CCDC97: variants seen among roughly 807,000 people sequenced by gnomAD.
The protein encoded by CCDC97 is coiled-coil domain-containing protein 97.
A neutral mutation model predicts 33.9 loss-of-function variants in CCDC97; 27 were observed. That is an observed-to-expected ratio of 0.80 (90% CI 0.59 to 1.10). CCDC97 has a LOEUF of 1.10. Among genes scored for constraint, CCDC97 ranks in the 50% least tolerant of loss-of-function variants. The pLI, the probability that CCDC97 is intolerant of heterozygous loss-of-function variation, is 0.00. For missense variants in CCDC97, 422 were observed against 476.6 expected (o/e 0.89, Z 1.07); for synonymous variants, 217 against 194.0 (o/e 1.12, Z -0.99).
At chr19:41,317,815 C>A (rs1002246702) in intron 2 of CCDC97, among the ~76,000 whole-genome samples, 1 of 150,424 alleles carries the variant, frequency 6.6e-6, no homozygotes. Context: ...TTTGGGAGGG[C>A]GAGGTGGGGG....
At chr19:41,312,669 G>C (rs1229416501) in intron 1 of CCDC97, among the ~76,000 whole-genome samples, 4 of 152,170 alleles carry the variant, frequency 2.6e-5, no homozygotes, top group Non-Finnish European at 1.5e-5. Flanking sequence ...CTGCAGGGTC[G>C]TGCTTCCCCA....
chr19:41,319,902 G>A (rs769628688), intron 3 of CCDC97, 50 bp downstream of exon 3: 4 of 878,778 alleles, frequency 4.6e-6, no homozygotes, highest in Non-Finnish European at 7.0e-6. Context: ...CCCAGCCCTA[G>A]GCCTGTCTGT....
intron 4 of CCDC97, 88 bp from the exon 5 acceptor site, chr19:41,322,507 C>T: frequency 1.4e-6 from 2 of 1,467,222 alleles, no homozygotes; most frequent in Non-Finnish European, 1.9e-6. Flanking sequence ...AGCACATGGC[C>T]TTTGACATCA....
At chr19:41,310,712 T>TA in intron 1 of CCDC97, 1 of 1,129,340 alleles carries the variant, frequency 8.9e-7, no homozygotes, top group Non-Finnish European at 1.1e-6. Context: ...TCCTTCCCTG[T>TA]ACCAAGCTGA....
rs1278398490 is a variant in CCDC97, at chr19:41,323,758, CT to C, written c.*1044del. 1.9e-5 allele frequency: 3 copies of C among 154,344 alleles called. No individual in the cohort carries two copies. In the Admixed American group the frequency reaches 2.0e-4, roughly 10 times the overall value. The allele number at this position is 154,344 out of a possible 1,614,324, so 9.6% of individuals were successfully genotyped here. A position where few individuals can be genotyped will look rare whatever the true frequency, so the allele number is the denominator to read the frequency against. On this transcript the variant is annotated 3_prime_UTR_variant, in exon 5 of 5. Transcript: ENST00000269967. Reference sequence around the variant, plus strand: ...CCACACACAGCCTGCCCCAGCGTCCCTGCCCCCAGCTGGCCGCAGGGCCCGC... The same window carrying C: ...CCACACACAGCCTGCCCCAGCGTCCCGCCCCCAGCTGGCCGCAGGGCCCGC...
chr19:41,318,437 A>G (rs2037776633), intron 2 of CCDC97, among the ~76,000 whole-genome samples: 1 of 152,182 alleles, frequency 6.6e-6, no homozygotes, highest in African/African-American at 2.4e-5. Context: ...CAGCCTGGGC[A>G]ACAGAGCGAG....
In CCDC97 at chr19:41,318,431, C is replaced by T. The variant is rs558771610; in HGVS notation, c.503-1143C>T. Among the ~76,000 whole-genome samples the T allele has an allele frequency of 3.4e-4, 52 of 152,280 alleles. 2 individuals are homozygous for T. The South Asian group carries it at 9.7e-3, about 29-fold the overall frequency. ...CGAGATCACACCACTACACTCCAGC[C>T]TGGGCAACAGAGCGAGACTCCATCT... On this transcript the variant is annotated intron_variant, in intron 2 of 4. Coordinates refer to ENST00000269967, the MANE Select transcript of CCDC97 (RefSeq NM_052848.3).
chr19:41,320,555 G>T, intron 4 of CCDC97, 85 bp downstream of exon 4: 1 of 1,558,550 alleles, frequency 6.4e-7, no homozygotes, highest in Non-Finnish European at 8.8e-7. Flanking sequence ...CAAGCTGTGG[G>T]GGTCTCCCTT....
At position 41,322,591 on chromosome 19, in the gene CCDC97, G is replaced by T. The variant is rs774895159; in HGVS notation, c.912-4G>T. ...CAGTCCTTGACAGCCTCCTCCTCCT[G>T]CAGCACAGTAGACGACAACCCCGAC... On this transcript the variant is annotated splice_polypyrimidine_tract_variant and splice_region_variant and intron_variant, in intron 4 of 4. Coordinates refer to ENST00000269967, the MANE Select transcript of CCDC97 (RefSeq NM_052848.3). The T allele has an allele frequency of 5.6e-6, 9 of 1,612,664 alleles. No individual in the cohort carries two copies. The highest frequency in any genetic ancestry group is 7.6e-6 in the Non-Finnish European group (9 of 1,179,200).
At chr19:41,319,476 A>G in intron 2 of CCDC97, 98 bp from the exon 3 acceptor site, 1 of 881,014 alleles carries the variant, frequency 1.1e-6, no homozygotes, top group Non-Finnish European at 1.8e-6. Context: ...TGGACTGTGT[A>G]TGCACATCAT....
chr19:41,314,209 C>T (rs1049629438), intron 1 of CCDC97, among the ~76,000 whole-genome samples: 2 of 151,418 alleles, frequency 1.3e-5, no homozygotes, highest in African/African-American at 4.9e-5. Flanking sequence ...TGCAATGGCA[C>T]GATCTTGGCT....
intron 1 of CCDC97, among the ~76,000 whole-genome samples, chr19:41,313,572 A>G (rs1199293810): frequency 6.6e-6 from 1 of 151,768 alleles, no homozygotes; most frequent in Non-Finnish European, 1.5e-5. Flanking sequence ...TTCCTCCCCA[A>G]CCCAGCCACG....
At chr19:41,312,666 G>A (rs2037699611) in intron 1 of CCDC97, among the ~76,000 whole-genome samples, 1 of 152,196 alleles carries the variant, frequency 6.6e-6, no homozygotes, top group Admixed American at 6.5e-5. Flanking sequence ...TGTCTGCAGG[G>A]TCGTGCTTCC....
chr19:41,318,871 T>C (rs966762450), intron 2 of CCDC97, among the ~76,000 whole-genome samples: 1 of 152,138 alleles, frequency 6.6e-6, no homozygotes, highest in Admixed American at 6.5e-5. Flanking sequence ...TGCACACACA[T>C]GCCAAATCCA....
chr19:41,316,412 G>A lies in CCDC97; in HGVS notation c.75G>A (p.Trp25Ter), dbSNP rs200037630. The change falls in exon 2 of 5, where the codon TGG becomes TGA. Residue 25 changes from tryptophan to a stop codon, truncating the protein, a stop_gained. Coordinates refer to ENST00000269967, the MANE Select transcript of CCDC97 (RefSeq NM_052848.3). LOFTEE classifies it high-confidence loss of function. ...KGCIEPGPGH[W>*]GELSRTPVPS... The stretch of plus-strand genomic sequence containing the variant: ...GCATAGAGCCTGGACCTGGGCACTG[G>A]GGTGAGCTGAGCCGGACACCAGTCC... 162 of 1,613,526 alleles carry A rather than the reference G, an allele frequency of 1.0e-4. No homozygotes were observed. The highest frequency in any genetic ancestry group is 1.3e-4 in the Non-Finnish European group (148 of 1,179,634).
At position 41,310,317 on chromosome 19, in the gene CCDC97, G is replaced by A. The variant is rs1229808179; in HGVS notation, c.7G>A (p.Ala3Thr). The A allele has an allele frequency of 5.6e-6, 9 of 1,604,720 alleles. No homozygotes were observed. The highest frequency in any genetic ancestry group is 7.7e-6 in the Non-Finnish European group (9 of 1,175,962). Residue 3 changes from alanine to threonine, a missense_variant, in exon 1 of 5, where the codon GCC (alanine) becomes ACC (threonine). Ala to Thr is a moderately conservative substitution (Grantham distance 58). Transcript: ENST00000269967. Reference sequence around the variant, plus strand: ...AAAGTCCGAGAGAATCAGGATGGAGGCCGTGGCGACGGCGACGGCGGCGAA... The same window carrying A: ...AAAGTCCGAGAGAATCAGGATGGAGACCGTGGCGACGGCGACGGCGGCGAA... MEAVATATAAKEP... is the reference protein window; with the variant it reads METVATATAAKEP...
intron 3 of CCDC97, 33 bp from the exon 4 acceptor site, chr19:41,320,308 C>T (rs1276537293): frequency 6.8e-6 from 11 of 1,611,802 alleles, no homozygotes; most frequent in East Asian, 2.2e-5. Flanking sequence ...CGAGTGCACC[C>T]GCATTCACAC....
intron 4 of CCDC97, 126 bp from the exon 5 acceptor site, chr19:41,322,469 C>G (rs995546334): frequency 9.8e-6 from 10 of 1,024,258 alleles, no homozygotes; most frequent in Non-Finnish European, 1.3e-5. Flanking sequence ...CACTATCTCC[C>G]TTGGGAGGGT....
chr19:41,320,677 A>T, intron 4 of CCDC97: 1 of 573,350 alleles, frequency 1.7e-6, no homozygotes, highest in Non-Finnish European at 3.1e-6. Flanking sequence ...CAGTCTCCTC[A>T]CCTCTAAGGC....
Sources: allele counts gnomAD v4.1 joint callset (sites outside exome capture counted in the v4.1 genomes callset), GRCh38; gene constraint gnomAD v4.1.1; transcripts MANE v1.5; gene names NCBI Gene and HGNC (gene_info 2026-07-23, HGNC 2026-07-21).